EHBP1: variants seen among roughly 807,000 people sequenced by gnomAD.
The protein encoded by EHBP1 is EH domain binding protein 1, also known as EH domain-binding protein 1.
EHBP1 carries 55 observed loss-of-function variants against 144.0 expected under a neutral mutation model. The ratio of observed to expected loss-of-function variants is 0.38; its 90% CI spans 0.31 to 0.48. EHBP1 has a LOEUF of 0.48. Ranked by LOEUF, EHBP1 falls within the 20% of genes least tolerant of loss-of-function variation. The probability of loss-of-function intolerance (pLI) is 0.98; values close to 1 mark genes in which losing one functional copy is unlikely to be tolerated. For missense variants in EHBP1, 1,200 were observed against 1,364.2 expected, an observed-to-expected ratio of 0.88 and a Z score of 1.90; for synonymous variants, 469 against 472.7, an observed-to-expected ratio of 0.99 and a Z score of 0.10.
intron 14 of EHBP1, among the ~76,000 whole-genome samples, chr2:62,960,692 T>G (rs1336385031): frequency 6.6e-6 from 1 of 152,130 alleles, no homozygotes; most frequent in African/African-American, 2.4e-5. Flanking sequence ...TAATAAAAAA[T>G]TAGCTTAAAC....
chr2:62,883,496 C>T, intron 10 of EHBP1, among the ~76,000 whole-genome samples: 1 of 152,106 alleles, frequency 6.6e-6, no homozygotes, highest in East Asian at 1.9e-4. Context: ...TTTTGCTGAT[C>T]TGGAAGTTAG....
chr2:62,817,669 G>A (rs1025808139), intron 5 of EHBP1, among the ~76,000 whole-genome samples: 1 of 152,182 alleles, frequency 6.6e-6, no homozygotes, highest in Admixed American at 6.5e-5. Context: ...GGCAGGAGCA[G>A]CAAGATTAGT....
chr2:62,826,035 T>C (rs2152609830), intron 5 of EHBP1, 52 bp from the exon 6 acceptor site: 1 of 1,298,754 alleles, frequency 7.7e-7, no homozygotes, highest in South Asian at 2.0e-5. Context: ...TTAAAATGTT[T>C]GGCTATAAAA....
chr2:62,690,031 AT>A (rs374053307), intron 1 of EHBP1, among the ~76,000 whole-genome samples: 3 of 152,340 alleles, frequency 2.0e-5, no homozygotes, highest in African/African-American at 7.2e-5. Context: ...CCACTTTTTA[AT>A]CACATTTGGT....
In EHBP1 at chr2:62,681,359, T is replaced by TAA. The variant is rs1258516162; in HGVS notation, c.-296+7277_-296+7278dup. Among the ~76,000 whole-genome samples, 20 of 78,354 alleles carry TAA rather than the reference T, an allele frequency of 2.6e-4. 2 individuals carry two copies. Among genetic ancestry groups the TAA allele is most frequent in the South Asian group, 1.6e-3 (4 of 2,444 alleles). The allele number at this position is 78,354 out of a possible 152,430, so 51.4% of individuals were successfully genotyped here. On this transcript the variant is annotated intron_variant, in intron 1 of 22. Transcript: ENST00000405015. Reference sequence around the variant, plus strand: ...GTGTGTGTATATATATATATATATATAATGTGTATATATGTATAAATATAT... The same window carrying TAA: ...GTGTGTGTATATATATATATATATATAAAATGTGTATATATGTATAAATATAT...
chr2:62,810,140 A>G (rs1025987639), intron 5 of EHBP1, among the ~76,000 whole-genome samples: 1 of 152,256 alleles, frequency 6.6e-6, no homozygotes, highest in African/African-American at 2.4e-5. Context: ...CAAAATATGT[A>G]CAGTGGTATC....
At chr2:62,959,123 G>A (rs915299646) in intron 14 of EHBP1, among the ~76,000 whole-genome samples, 4 of 152,126 alleles carry the variant, frequency 2.6e-5, no homozygotes, top group East Asian at 1.9e-4. Context: ...GTGGAATCGC[G>A]CAGTATTTGT....
At chr2:63,017,753 T>A (rs527476046) in intron 19 of EHBP1, among the ~76,000 whole-genome samples, 2 of 152,372 alleles carry the variant, frequency 1.3e-5, no homozygotes, top group Non-Finnish European at 2.9e-5. Context: ...CTCACATTTC[T>A]ACATTTTATT....
chr2:62,890,773 A>T (rs2052392821), intron 10 of EHBP1, among the ~76,000 whole-genome samples: 1 of 152,240 alleles, frequency 6.6e-6, no homozygotes, highest in South Asian at 2.1e-4. Flanking sequence ...GGAGCATCCA[A>T]ATAGGAAGAG....
At chr2:62,986,299 T>A (rs2059184697) in intron 15 of EHBP1, among the ~76,000 whole-genome samples, 1 of 152,190 alleles carries the variant, frequency 6.6e-6, no homozygotes, top group South Asian at 2.1e-4. Context: ...TTAGAAAAGA[T>A]CTCACAGGTG....
chr2:62,688,475 G>C (rs1304559610), intron 1 of EHBP1, among the ~76,000 whole-genome samples: 1 of 151,994 alleles, frequency 6.6e-6, no homozygotes, highest in Non-Finnish European at 1.5e-5. Flanking sequence ...TCATTGCTTT[G>C]TATTGGGAAC....
intron 3 of EHBP1, among the ~76,000 whole-genome samples, chr2:62,761,775 CT>C (rs1352330977): frequency 1.3e-5 from 2 of 152,170 alleles, no homozygotes; most frequent in Non-Finnish European, 2.9e-5. Context: ...GATTTTCCCT[CT>C]CAACTGAATA....
chr2:62,776,727 C>A (rs1251740549), intron 5 of EHBP1, among the ~76,000 whole-genome samples: 1 of 152,156 alleles, frequency 6.6e-6, no homozygotes, highest in Non-Finnish European at 1.5e-5. Flanking sequence ...TCTTTTGGAT[C>A]ATTTACAATC....
At chr2:62,830,883 A>G (rs1011480474) in intron 6 of EHBP1, 136 bp from the exon 7 acceptor site, 7 of 815,400 alleles carry the variant, frequency 8.6e-6, no homozygotes, top group African/African-American at 5.5e-5. Flanking sequence ...AGATTTTTCA[A>G]TATTCTTGTG....
chr2:62,855,063 AC>A (rs939024696), intron 7 of EHBP1, among the ~76,000 whole-genome samples: 12 of 152,060 alleles, frequency 7.9e-5, no homozygotes, highest in African/African-American at 2.9e-4. Context: ...AGGAGCCGTA[AC>A]CCCCCAGCAC....
intron 10 of EHBP1, among the ~76,000 whole-genome samples, chr2:62,904,333 A>G (rs1453126640): frequency 6.6e-6 from 1 of 152,186 alleles, no homozygotes; most frequent in African/African-American, 2.4e-5. Context: ...TTCCCTTTAC[A>G]TGCCTTCTCT....
At chr2:62,856,398 C>T (rs888594160) in intron 7 of EHBP1, among the ~76,000 whole-genome samples, 16 of 152,186 alleles carry the variant, frequency 1.1e-4, no homozygotes, top group Non-Finnish European at 1.5e-5. Flanking sequence ...CTGCAGTGCA[C>T]CTGGTCTACC....
intron 19 of EHBP1, among the ~76,000 whole-genome samples, chr2:63,006,669 A>G (rs1265744916): frequency 6.6e-6 from 1 of 151,870 alleles, no homozygotes; most frequent in Non-Finnish European, 1.5e-5. Flanking sequence ...TTTTCTTAAA[A>G]GATAAGTGTT....
chr2:62,839,513 A>T (rs1167937677), intron 7 of EHBP1, among the ~76,000 whole-genome samples: 1 of 149,468 alleles, frequency 6.7e-6, no homozygotes, highest in Admixed American at 6.7e-5. Context: ...AGGAGAAGGA[A>T]ATAAAGGGTA....
Sources: gnomAD v4.1 joint callset for allele counts (sites outside exome capture counted in the v4.1 genomes callset) on GRCh38, gnomAD v4.1.1 for gene constraint, MANE v1.5 for transcripts, NCBI Gene and HGNC (gene_info 2026-07-23, HGNC 2026-07-21) for gene names.